The following GMPPA variants were observed in gnomAD, a reference collection of about 807,000 sequenced individuals.
GMPPA encodes GDP-mannose pyrophosphorylase A, also known as mannose-1-phosphate guanylyltransferase regulatory subunit alpha.
In GMPPA, 46 loss-of-function variants were observed where a neutral mutation model predicts 58.6. The ratio of observed to expected loss-of-function variants is 0.78; its 90% CI spans 0.62 to 1.00. GMPPA has a LOEUF of 1.00. Ranked by LOEUF, GMPPA falls within the 50% of genes least tolerant of loss-of-function variation. GMPPA has a pLI of 0.00. For missense variants in GMPPA, 468 were observed against 556.4 expected, an observed-to-expected ratio of 0.84 and a Z score of 1.60; for synonymous variants, 211 against 214.9, an observed-to-expected ratio of 0.98 and a Z score of 0.16.
In GMPPA at chr2:219,503,424, G is replaced by A. The variant is rs116939239; in HGVS notation, c.490-659G>A. On this transcript the variant is annotated intron_variant, in intron 6 of 12. Transcript: ENST00000313597. ...ATAGGCATGAGCCACCACCATACCT[G>A]GCGTCACATACTCCTTTTATTTGTT... Among the ~76,000 whole-genome samples the A allele has an allele frequency of 5.3e-5, 8 of 152,202 alleles. No homozygotes were observed. In the East Asian group the frequency reaches 1.5e-3, roughly 29 times the overall value.
chr2:219,501,434 C>T, intron 3 of GMPPA, 42 bp from the exon 4 acceptor site: 2 of 1,137,728 alleles, frequency 1.8e-6, no homozygotes, highest in Non-Finnish European at 2.7e-6. Context: ...ACATCCCCTC[C>T]TATTAGATAT....
Position 219,501,993 on chromosome 2 carries a change from G to T in GMPPA, c.385G>T (p.Ala129Ser). The T allele has an allele frequency of 6.2e-7, 1 of 1,614,220 alleles. No individual in the cohort carries two copies. Among genetic ancestry groups the T allele is most frequent in the Non-Finnish European group, 8.5e-7 (1 of 1,180,036 alleles). ...SDFPLSAMLE[A>S]HRRQRHPFLL... The stretch of plus-strand genomic sequence containing the variant: ...CTTCCCCTTGAGTGCTATGTTGGAA[G>T]CCCACCGACGCCAGCGTCACCCTTT... The change falls in exon 5 of 13, where the codon GCC (alanine) becomes TCC (serine). Residue 129 changes from alanine to serine, a missense_variant. Ala to Ser is a moderately conservative substitution (Grantham distance 99). Coordinates refer to ENST00000313597, the MANE Select transcript of GMPPA (RefSeq NM_013335.4).
chr2:219,501,519 C>T lies in GMPPA; in HGVS notation c.182C>T (p.Pro61Leu). Residue 61 changes from proline (P) to leucine (L), a missense_variant, in exon 4 of 13, where the codon CCT (proline) becomes CTT (leucine). Coordinates refer to ENST00000313597, the MANE Select transcript of GMPPA (RefSeq NM_013335.4). ...QEILLIGFYQ[P>L]DEPLTQFLEA... The stretch of plus-strand genomic sequence containing the variant: ...ATTCTGCTCATTGGCTTCTACCAAC[C>T]TGATGAGCCCCTCACCCAGTTCCTA... 1 of 1,613,312 alleles carries T rather than the reference C, an allele frequency of 6.2e-7. No homozygotes were observed. Among genetic ancestry groups the T allele is most frequent in the Non-Finnish European group, 8.5e-7 (1 of 1,179,228 alleles).
Position 219,502,100 on chromosome 2 carries a change from A to G in GMPPA, c.429+63A>G. ...TGATCCCAAGAGCTTCCCGGAATTC[A>G]GGGTGTTGGGGAGGCAGGGGCGCCC... On this transcript the variant is annotated intron_variant, in intron 5 of 12. Coordinates refer to ENST00000313597, the MANE Select transcript of GMPPA (RefSeq NM_013335.4). This position sits in a 1 kb window ranked among gnomAD's most constrained non-coding sequence, Gnocchi z 4.0. The G allele has an allele frequency of 1.9e-6, 3 of 1,564,362 alleles. No individual in the cohort carries two copies. In the Admixed American group the frequency reaches 5.1e-5, roughly 27 times the overall value.
chr2:219,499,691 G>A (rs541100630), intron 1 of GMPPA: 1 of 547,618 alleles, frequency 1.8e-6, no homozygotes, highest in Non-Finnish European at 3.3e-6. Context: ...TCCAGGCAGG[G>A]ACTATATTGA....
At chr2:219,506,444 G>A in intron 12 of GMPPA, 22 bp downstream of exon 12, 2 of 1,603,302 alleles carry the variant, frequency 1.2e-6, no homozygotes, top group Non-Finnish European at 1.7e-6. Context: ...TGGGGGCCAG[G>A]GCTGGGGGAA....
intron 1 of GMPPA, 179 bp downstream of exon 1, chr2:219,499,117 G>A (rs1157850696): frequency 6.6e-6 from 1 of 152,248 alleles, no homozygotes; most frequent in Non-Finnish European, 1.5e-5. Context: ...GGGGTTCAGA[G>A]GGTCAGCAAT....
intron 9 of GMPPA, 42 bp from the exon 10 acceptor site, chr2:219,505,673 G>A (rs752221989): frequency 4.3e-6 from 7 of 1,609,358 alleles, no homozygotes; most frequent in Admixed American, 1.7e-5. Flanking sequence ...GATCAAATTC[G>A]GTTTGGGATA....
rs764088206 is a variant in GMPPA at position 219,504,154 on chromosome 2, T to C, written c.561T>C (p.Ser187=). 1.9e-6 allele frequency: 3 copies of C among 1,614,032 alleles called. No homozygotes were observed. The Admixed American group carries it at 5.0e-5, about 27-fold the overall frequency. ...TCAACTGCGGCATCTACCTCTTTTC[T>C]CCTGAAGCCTTGAAGCCTCTTCGGG... ...DIINCGIYLF[S]PEALKPLRDV... Residue 187 remains serine (S), a synonymous_variant, in exon 7 of 13, where the codon TCT becomes TCC. Coordinates refer to ENST00000313597, the MANE Select transcript of GMPPA (RefSeq NM_013335.4).
At chr2:219,505,830 C>T (rs1575227167) in intron 10 of GMPPA, 69 bp downstream of exon 10, 3 of 1,327,298 alleles carry the variant, frequency 2.3e-6, no homozygotes, top group East Asian at 4.6e-5. Context: ...CCCACGCTGC[C>T]TGAGTTCTGG....
In GMPPA at chr2:219,506,934, G is replaced by A. The variant is rs1308123179; in HGVS notation, c.*136G>A. On this transcript the variant is annotated 3_prime_UTR_variant, in exon 13 of 13. Coordinates refer to ENST00000313597, the MANE Select transcript of GMPPA (RefSeq NM_013335.4). Reference sequence around the variant, plus strand: ...TGCCGGGGAGCAATGTGGATGGCCTGGGGACTCCTGGGTTTTCTCCCTCCC... The same window carrying A: ...TGCCGGGGAGCAATGTGGATGGCCTAGGGACTCCTGGGTTTTCTCCCTCCC... 3 of 631,694 alleles carry A rather than the reference G, an allele frequency of 4.7e-6. No homozygotes were observed. In the Admixed American group the frequency reaches 7.4e-5, roughly 16 times the overall value. The allele number at this position is 631,694 out of a possible 1,614,324, so 39.1% of individuals were successfully genotyped here.
rs773569009 is a variant in GMPPA at position 219,500,157 on chromosome 2, A to C, written c.77A>C (p.Lys26Thr). 6.3e-7 allele frequency: 1 copy of C among 1,597,910 alleles called. No homozygotes were observed. The highest frequency in any genetic ancestry group is 1.1e-5 in the South Asian group (1 of 89,196). The change falls in exon 3 of 13, where the codon AAA (lysine) becomes ACA (threonine). Residue 26 changes from lysine to threonine, a missense_variant. Coordinates refer to ENST00000313597, the MANE Select transcript of GMPPA (RefSeq NM_013335.4). ...RFRPLSFEVPKPLFPVAGVPM... is the reference protein window; with the variant it reads ...RFRPLSFEVPTPLFPVAGVPM... ...AGACCTTTGTCTTTTGAGGTGCCCA[A>C]ACCATTGTTTCCTGTGGCAGGGGTC...
intron 6 of GMPPA, 37 bp from the exon 7 acceptor site, chr2:219,504,046 C>G (rs1238090905): frequency 1.9e-6 from 3 of 1,612,496 alleles, no homozygotes. Flanking sequence ...TGGCGGTAGT[C>G]CCTTCTTCTA....
chr2:219,502,539 C>G lies in GMPPA; in HGVS notation c.489+98C>G. 1 of 891,232 alleles carries G rather than the reference C, an allele frequency of 1.1e-6. No individual in the cohort carries two copies. Among genetic ancestry groups the G allele is most frequent in the South Asian group, 1.4e-5 (1 of 71,024 alleles). 55.2% of individuals were successfully genotyped at this position (891,232 alleles called of 1,614,324 possible). The stretch of plus-strand genomic sequence containing the variant: ...ATGCTGGCACAGTATGGGGTGGGCT[C>G]TAGTCTTGTCAGACAGGTGAGACAC... On this transcript the variant is annotated intron_variant, in intron 6 of 12. Transcript: ENST00000313597. The surrounding 1 kb of genome is among the most constrained non-coding windows in gnomAD (Gnocchi z 4.0).
At position 219,502,158 on chromosome 2, in the gene GMPPA, G is replaced by T. The variant is rs184836683; in HGVS notation, c.429+121G>T. Reference sequence around the variant, plus strand: ...TGGTGTGGGAGCTGGCGTCAGGAGGGAGATGCGCTGCTCTGGCAGCATGGA... The same window carrying T: ...TGGTGTGGGAGCTGGCGTCAGGAGGTAGATGCGCTGCTCTGGCAGCATGGA... On this transcript the variant is annotated intron_variant, in intron 5 of 12. Coordinates refer to ENST00000313597, the MANE Select transcript of GMPPA (RefSeq NM_013335.4). The surrounding 1 kb of genome is among the most constrained non-coding windows in gnomAD (Gnocchi z 4.0). 4.2e-4 allele frequency: 425 copies of T among 1,013,022 alleles called. 2 individuals carry two copies. In the African/African-American group the frequency reaches 5.6e-3, roughly 13 times the overall value. 62.8% of individuals were successfully genotyped at this position (1,013,022 alleles called of 1,614,324 possible). A position where few individuals can be genotyped will look rare whatever the true frequency, so the allele number is the denominator to read the frequency against.
intron 6 of GMPPA, among the ~76,000 whole-genome samples, chr2:219,503,277 C>A (rs1214414665): frequency 6.6e-6 from 1 of 151,964 alleles, no homozygotes; most frequent in East Asian, 1.9e-4. Flanking sequence ...GGATTACAGG[C>A]AGGTGCCAGG....
intron 6 of GMPPA, 117 bp from the exon 7 acceptor site, chr2:219,503,966 A>C (rs766391879): frequency 6.7e-5 from 77 of 1,149,026 alleles, no homozygotes; most frequent in Non-Finnish European, 9.7e-5. Flanking sequence ...ACTGCATTTT[A>C]GCCAGGCCAC....
chr2:219,504,237 TGACCCCAAGTACCCCCAGTCACG>T (rs777692260), intron 7 of GMPPA, 24 bp downstream of exon 7: 2 of 1,611,154 alleles, frequency 1.2e-6, no homozygotes, highest in Non-Finnish European at 1.7e-6. Flanking sequence ...CATAGCCCTG[TGACCCCAAGTACCCCCAGTCACG>T]GACCCCAACA....
At position 219,502,068 on chromosome 2, in the gene GMPPA, G is replaced by C; in HGVS notation, c.429+31G>C. 3 of 1,608,144 alleles carry C rather than the reference G, an allele frequency of 1.9e-6. No homozygotes were observed. The South Asian group carries it at 3.3e-5, about 18-fold the overall frequency. ...GGGGTCAGGAGGGCTGGAGGGTGTA[G>C]AGGAGGTGATCCCAAGAGCTTCCCG... On this transcript the variant is annotated intron_variant, in intron 5 of 12. Transcript: ENST00000313597. The surrounding 1 kb of genome is among the most constrained non-coding windows in gnomAD (Gnocchi z 4.0).
Sources: gnomAD v4.1 joint callset for allele counts (sites outside exome capture counted in the v4.1 genomes callset) on GRCh38, gnomAD v4.1.1 for gene constraint, Gnocchi (gnomAD v3.1) non-coding constraint, MANE v1.5 for transcripts, NCBI Gene and HGNC (gene_info 2026-07-23, HGNC 2026-07-21) for gene names.